SSBP3: variants seen among roughly 807,000 people sequenced by gnomAD.
SSBP3 encodes single-stranded DNA-binding protein 3.
Under a neutral mutation model 69.6 loss-of-function variants are expected in SSBP3, and 5 were observed. The observed-to-expected ratio is 0.07, with a 90% CI of 0.04 to 0.15. The LOEUF (loss-of-function observed/expected upper bound fraction) is 0.15, where lower values mean the gene tolerates loss of function less well. SSBP3 is among the 10% of genes least tolerant of loss of function. The pLI, the probability that SSBP3 is intolerant of heterozygous loss-of-function variation, is 1.00. For missense variants in SSBP3, 312 were observed against 534.0 expected (o/e 0.58, Z 4.10); for synonymous variants, 196 against 193.4 (o/e 1.01, Z -0.11).
intron 5 of SSBP3, among the ~76,000 whole-genome samples, chr1:54,277,353 T>C (rs182951901): frequency 5.9e-5 from 9 of 152,110 alleles, no homozygotes; most frequent in Admixed American, 2.0e-4. Context: ...TAGATAAGAG[T>C]TATGGTTTCT....
intron 3 of SSBP3, 127 bp downstream of exon 3, chr1:54,404,449 G>T: frequency 8.7e-7 from 1 of 1,144,016 alleles, no homozygotes; most frequent in Non-Finnish European, 1.3e-6. Context: ...GCCTCGAGGT[G>T]CCCCGCTCTG....
At chr1:54,308,563 T>C (rs1462838519) in intron 4 of SSBP3, among the ~76,000 whole-genome samples, 1 of 146,660 alleles carries the variant, frequency 6.8e-6, no homozygotes, top group African/African-American at 2.6e-5. Flanking sequence ...ATTGCGCCAC[T>C]GCACTCCAGC....
chr1:54,279,648 C>T (rs956950419), intron 5 of SSBP3, among the ~76,000 whole-genome samples: 1 of 152,230 alleles, frequency 6.6e-6, no homozygotes, highest in African/African-American at 2.4e-5. Flanking sequence ...GTCTCAAGAA[C>T]ATCCATGGCA....
In SSBP3 at chr1:54,326,061, G is replaced by C. The variant is rs530297782; in HGVS notation, c.277-44534C>G. On this transcript the variant is annotated intron_variant, in intron 4 of 17. Coordinates refer to ENST00000610401, the Ensembl canonical transcript of SSBP3. ...GAGGTATAGGAGCAGGTTCCTTTTAGCAGGGATGGCGGTGCTGATGGCAGC... is the reference window on the plus strand; with the variant it reads ...GAGGTATAGGAGCAGGTTCCTTTTACCAGGGATGGCGGTGCTGATGGCAGC... Among the ~76,000 whole-genome samples, 4 of 151,246 alleles carry C rather than the reference G, an allele frequency of 2.6e-5. No individual in the cohort carries two copies. The South Asian group carries it at 8.4e-4, about 32-fold the overall frequency.
At chr1:54,390,709 T>G (rs1648421746) in intron 4 of SSBP3, among the ~76,000 whole-genome samples, 1 of 152,238 alleles carries the variant, frequency 6.6e-6, no homozygotes, top group South Asian at 2.1e-4. Context: ...CCTGTCATGC[T>G]GTAAAATCCC....
chr1:54,383,514 G>T (rs1429832868), intron 4 of SSBP3, among the ~76,000 whole-genome samples: 1 of 152,186 alleles, frequency 6.6e-6, no homozygotes, highest in Non-Finnish European at 1.5e-5. Flanking sequence ...ACAGCTCCAA[G>T]CCCTAAGCCA....
chr1:54,239,189 A>G, exon 14 of SSBP3: 1 of 1,612,142 alleles, frequency 6.2e-7, no homozygotes, highest in Non-Finnish European at 8.5e-7. Flanking sequence ...TGTCACTGGA[A>G]TTTGTTGAAT....
intron 4 of SSBP3, among the ~76,000 whole-genome samples, chr1:54,304,739 G>A (rs1001309180): frequency 6.6e-6 from 1 of 152,210 alleles, no homozygotes; most frequent in Non-Finnish European, 1.5e-5. Context: ...GCAAGGCTGA[G>A]GGTTGAGTTT....
At chr1:54,344,151 G>C (rs1278211254) in intron 4 of SSBP3, among the ~76,000 whole-genome samples, 2 of 152,058 alleles carry the variant, frequency 1.3e-5, no homozygotes, top group South Asian at 2.1e-4. Flanking sequence ...ACTTGAGCTT[G>C]TAAGGGCAGA....
At chr1:54,281,905 C>T (rs867591795) in intron 4 of SSBP3, among the ~76,000 whole-genome samples, 7 of 151,816 alleles carry the variant, frequency 4.6e-5, no homozygotes, top group South Asian at 2.1e-4. Context: ...GAGACCGGCG[C>T]GGGCAACATA....
At chr1:54,342,057 C>T (rs1008872462) in intron 4 of SSBP3, among the ~76,000 whole-genome samples, 1 of 152,188 alleles carries the variant, frequency 6.6e-6, no homozygotes, top group African/African-American at 2.4e-5. Context: ...TGTAAGGCCA[C>T]GCGCAGAGGG....
chr1:54,229,136 C>T (rs765942746), intron 14 of SSBP3, among the ~76,000 whole-genome samples: 1 of 152,240 alleles, frequency 6.6e-6, no homozygotes, highest in South Asian at 2.1e-4. Flanking sequence ...GGGCCCTCTC[C>T]ATCCCCCGTG....
intron 4 of SSBP3, among the ~76,000 whole-genome samples, chr1:54,312,933 G>T (rs752119865): frequency 7.9e-5 from 12 of 152,176 alleles, no homozygotes; most frequent in Non-Finnish European, 1.8e-4. Context: ...CCAGGAGGGA[G>T]GCCAGGAGGG....
At chr1:54,328,414 C>CTGCT in intron 4 of SSBP3, among the ~76,000 whole-genome samples, 1 of 152,324 alleles carries the variant, frequency 6.6e-6, no homozygotes, top group East Asian at 1.9e-4. Context: ...TACTGCTGAT[C>CTGCT]TGCTGTGTGA....
At position 54,247,490 on chromosome 1, in the gene SSBP3, GACCC is replaced by G. The variant is rs1423176976; in HGVS notation, c.651+4122_651+4125del. Among the ~76,000 whole-genome samples, 11 of 152,276 alleles carry G rather than the reference GACCC, an allele frequency of 7.2e-5. No individual in the cohort carries two copies. In the East Asian group the frequency reaches 2.1e-3, roughly 29 times the overall value. On this transcript the variant is annotated intron_variant, in intron 9 of 17. Transcript: ENST00000610401. ...CGGGGTGCTCAGGACCAGGATTAATGACCCACCCATCTCTTTTGGGGGCCTCTGC... is the reference window on the plus strand; with the variant it reads ...CGGGGTGCTCAGGACCAGGATTAATGACCCATCTCTTTTGGGGGCCTCTGC...
rs186433397 is a variant in SSBP3, at chr1:54,343,792, G to A, written c.276+58069C>T. Reference sequence around the variant, plus strand: ...CCTGAACTCTAGGATCTGGAGCAAGGATTACACCCCACCCCGTCTACCCAA... The same window carrying A: ...CCTGAACTCTAGGATCTGGAGCAAGAATTACACCCCACCCCGTCTACCCAA... On this transcript the variant is annotated intron_variant, in intron 4 of 17. Transcript: ENST00000610401. Among the ~76,000 whole-genome samples, 4 of 152,294 alleles carry A rather than the reference G, an allele frequency of 2.6e-5. No homozygotes were observed. In the East Asian group the frequency reaches 7.7e-4, roughly 29 times the overall value.
intron 5 of SSBP3, among the ~76,000 whole-genome samples, chr1:54,269,693 C>A (rs1645160656): frequency 6.6e-6 from 1 of 152,226 alleles, no homozygotes; most frequent in African/African-American, 2.4e-5. Flanking sequence ...AAGGCTGCAG[C>A]CTATAGAACA....
intron 4 of SSBP3, among the ~76,000 whole-genome samples, chr1:54,284,727 C>A (rs1266107086): frequency 6.6e-6 from 1 of 152,022 alleles, no homozygotes; most frequent in Non-Finnish European, 1.5e-5. Context: ...CCTCAGCCCC[C>A]AAAAGTGCTA....
intron 4 of SSBP3, among the ~76,000 whole-genome samples, chr1:54,324,335 C>T (rs1198118437): frequency 6.6e-6 from 1 of 152,232 alleles, no homozygotes; most frequent in African/African-American, 2.4e-5. Flanking sequence ...CCAGACAGTC[C>T]TTGGCACAGC....
Sources: allele counts gnomAD v4.1 joint callset (sites outside exome capture counted in the v4.1 genomes callset), GRCh38; gene constraint gnomAD v4.1.1; transcripts MANE v1.5; gene names NCBI Gene and HGNC (gene_info 2026-07-23, HGNC 2026-07-21).